The following PAPPA variants were observed in gnomAD, a reference collection of about 807,000 sequenced individuals.
PAPPA encodes pappalysin-1.
Under a neutral mutation model 164.0 loss-of-function variants are expected in PAPPA, and 60 were observed. That is an observed-to-expected ratio of 0.37 (90% CI 0.30 to 0.45). The LOEUF (loss-of-function observed/expected upper bound fraction) is 0.45. Among genes scored for constraint, PAPPA ranks in the 20% least tolerant of loss-of-function variants. The probability of loss-of-function intolerance (pLI) is 1.00; values close to 1 mark genes in which losing one functional copy is unlikely to be tolerated. For synonymous variants in PAPPA, 875 were observed against 814.1 expected (o/e 1.07, Z -1.27); for missense variants, 1,782 against 2,087.3 (o/e 0.85, Z 2.85).
chr9:116,231,663 ATGGATGGATGGATG>A, intron 6 of PAPPA, among the ~76,000 whole-genome samples: 9 of 154 alleles, frequency 0.058, no homozygotes, highest in East Asian at 0.44. Flanking sequence ...GAATGGGCGG[ATGGATGGATGGATG>A]GATGGATGGA....
rs935238247 is a variant in PAPPA, at chr9:116,201,583, G to A, written c.1479-5873G>A. 3.9e-5 allele frequency among the ~76,000 whole-genome samples: 6 copies of A among 152,276 alleles called. 1 individual carries two copies. The highest frequency in any genetic ancestry group is 2.1e-4 in the South Asian group (1 of 4,824). On this transcript the variant is annotated intron_variant, in intron 2 of 21. Transcript: ENST00000328252. ...AGCTTAAAACAGAATTCTGCATCTC[G>A]AGGGTTTTTCATGAGTTGGGTACTC...
chr9:116,185,108 A>T (rs1843954290), intron 1 of PAPPA, among the ~76,000 whole-genome samples: 1 of 152,184 alleles, frequency 6.6e-6, no homozygotes, highest in Non-Finnish European at 1.5e-5. Context: ...AGTCATTGGG[A>T]AATCTAGAAT....
chr9:116,293,704 CA>C (rs1386793730), intron 9 of PAPPA, among the ~76,000 whole-genome samples: 1 of 152,196 alleles, frequency 6.6e-6, no homozygotes, highest in Non-Finnish European at 1.5e-5. Flanking sequence ...CCTGTAATCC[CA>C]GCATTTTGGG....
At chr9:116,313,082 CA>C (rs59596284) in intron 10 of PAPPA, among the ~76,000 whole-genome samples, 4,990 of 68,450 alleles carry the variant, frequency 0.073, 90 homozygotes, top group Non-Finnish European at 0.1. Flanking sequence ...GACTCCATCT[CA>C]AAAAAAAAAA....
rs939356270 is a variant in PAPPA, at chr9:116,396,813, A to G, written c.*197A>G. 1 of 584,658 alleles carries G rather than the reference A, an allele frequency of 1.7e-6. No individual in the cohort carries two copies. The highest frequency in any genetic ancestry group is 1.9e-5 in the African/African-American group (1 of 53,576). The allele number at this position is 584,658 out of a possible 1,614,324, so 36.2% of individuals were successfully genotyped here. ...CCAAGTTTCGCCATGCTGGATGATGAAATGGATTCCCATCCCAAAGTCTGA... is the reference window on the plus strand; with the variant it reads ...CCAAGTTTCGCCATGCTGGATGATGGAATGGATTCCCATCCCAAAGTCTGA... On this transcript the variant is annotated 3_prime_UTR_variant, in exon 22 of 22. Transcript: ENST00000328252.
chr9:116,356,057 A>G (rs946777883), intron 17 of PAPPA, among the ~76,000 whole-genome samples: 2 of 152,170 alleles, frequency 1.3e-5, no homozygotes, highest in African/African-American at 4.8e-5. Context: ...CTTTCCAAAC[A>G]AGTTTCAGAT....
In PAPPA at chr9:116,154,178, G is replaced by A. The variant is rs745765077; in HGVS notation, c.6G>A (p.Arg2=). Reference sequence around the variant, plus strand: ...GGCGGGGGGAACCGTCGGACATGCGGCTCTGGAGTTGGGTGCTGCACCTGG... The same window carrying A: ...GGCGGGGGGAACCGTCGGACATGCGACTCTGGAGTTGGGTGCTGCACCTGG... M[R]LWSWVLHLGL... The change falls in exon 1 of 22, where the codon CGG becomes CGA. Residue 2 remains arginine, a synonymous_variant. Transcript: ENST00000328252. This position sits in a 1 kb window ranked among gnomAD's most constrained non-coding sequence, Gnocchi z 5.2. The A allele has an allele frequency of 2.0e-6, 3 of 1,486,146 alleles. No individual in the cohort carries two copies. The South Asian group carries it at 3.6e-5, about 18-fold the overall frequency. The allele number at this position is 1,486,146 out of a possible 1,614,324, so 92.1% of individuals were successfully genotyped here.
chr9:116,353,790 C>T lies in PAPPA; in HGVS notation c.4344C>T (p.Ser1448=), dbSNP rs1588017195. The T allele has an allele frequency of 1.2e-6, 2 of 1,610,756 alleles. No homozygotes were observed. The highest frequency in any genetic ancestry group is 2.2e-5 in the East Asian group (1 of 44,740). Residue 1448 remains serine, a synonymous_variant, in exon 17 of 22, where the codon TCC becomes TCT. Transcript: ENST00000328252. ...TCAAGTGTGAAGACAGTGATGCCTC[C>T]CAGGTAAGCCTCCTGGAACTTGAGA... The part of the protein sequence containing the change: ...CRIKCEDSDA[S]QGLGSNVIHC...
intron 3 of PAPPA, among the ~76,000 whole-genome samples, chr9:116,208,618 T>C (rs1450176995): frequency 6.6e-6 from 1 of 152,216 alleles, no homozygotes; most frequent in Non-Finnish European, 1.5e-5. Context: ...TATCTGAGAA[T>C]GTTCAGGCTC....
At chr9:116,343,841 A>G (rs1278820844) in intron 13 of PAPPA, among the ~76,000 whole-genome samples, 1 of 151,170 alleles carries the variant, frequency 6.6e-6, no homozygotes, top group African/African-American at 2.4e-5. Flanking sequence ...GCTCACTGCA[A>G]CCTCCACCTC....
intron 10 of PAPPA, among the ~76,000 whole-genome samples, chr9:116,311,817 A>G (rs1322892227): frequency 6.6e-6 from 1 of 152,216 alleles, no homozygotes; most frequent in East Asian, 1.9e-4. Flanking sequence ...TCCCTGAGCA[A>G]ATTGAATCTG....
intron 18 of PAPPA, among the ~76,000 whole-genome samples, chr9:116,366,683 C>T (rs1282788378): frequency 2.6e-5 from 4 of 152,150 alleles, no homozygotes; most frequent in Non-Finnish European, 5.9e-5. Context: ...GAATGGGGAG[C>T]ATGGGTAGTG....
chr9:116,193,287 A>G (rs1188474967), intron 2 of PAPPA, among the ~76,000 whole-genome samples: 2 of 152,096 alleles, frequency 1.3e-5, no homozygotes, highest in South Asian at 2.1e-4. Flanking sequence ...TGGCAGCTAT[A>G]GCCCCCGTTA....
intron 20 of PAPPA, 114 bp from the exon 21 acceptor site, chr9:116,382,281 A>T: frequency 1.4e-6 from 1 of 710,406 alleles, no homozygotes; most frequent in South Asian, 1.6e-5. Context: ...CTGGCCAGCT[A>T]ATCGTGGAAG....
In PAPPA at chr9:116,353,680, C is replaced by T. The variant is rs1846314017; in HGVS notation, c.4234C>T (p.Pro1412Ser). The T allele has an allele frequency of 6.2e-6, 10 of 1,613,924 alleles. No individual in the cohort carries two copies. Among genetic ancestry groups the T allele is most frequent in the African/African-American group, 1.3e-5 (1 of 74,890 alleles). ...DGSWQEGACV[P>S]VTCDPPPPKF... ...CAGCTGGCAGGAGGGAGCTTGTGTT[C>T]CTGTGACCTGTGACCCACCTCCACC... Residue 1412 changes from proline to serine, a missense_variant, in exon 17 of 22, where the codon CCT (proline) becomes TCT (serine). This residue lies in a region of PAPPA where 1,324 missense variants were observed against 1,656.9 expected (regional missense o/e 0.80). Transcript: ENST00000328252.
chr9:116,302,659 A>G (rs989904945), intron 9 of PAPPA, 98 bp from the exon 10 acceptor site: 44 of 912,344 alleles, frequency 4.8e-5, no homozygotes, highest in East Asian at 2.2e-4. Flanking sequence ...GACAGTACCA[A>G]TGGTTTTGGT....
At chr9:116,393,589 T>G (rs1321588022) in intron 21 of PAPPA, among the ~76,000 whole-genome samples, 2 of 152,202 alleles carry the variant, frequency 1.3e-5, no homozygotes, top group East Asian at 1.9e-4. Context: ...GTGATGGTGC[T>G]ATTAGGTTGG....
At position 116,401,535 on chromosome 9, in the gene PAPPA, T is replaced by C. The variant is rs1847055406; in HGVS notation, c.*4919T>C. ...TATCTATCTATATAAAGATATTATATATAAATATAAATTTACATATATATG... is the reference window on the plus strand; with the variant it reads ...TATCTATCTATATAAAGATATTATACATAAATATAAATTTACATATATATG... On this transcript the variant is annotated 3_prime_UTR_variant, in exon 22 of 22. Coordinates refer to ENST00000328252, the MANE Select transcript of PAPPA (RefSeq NM_002581.5). 6.6e-6 allele frequency: 1 copy of C among 150,808 alleles called. No homozygotes were observed. The highest frequency in any genetic ancestry group is 1.5e-5 in the Non-Finnish European group (1 of 67,696). The allele number at this position is 150,808 out of a possible 1,614,324, so 9.3% of individuals were successfully genotyped here. A position where few individuals can be genotyped will look rare whatever the true frequency, so the allele number is the denominator to read the frequency against.
At position 116,187,027 on chromosome 9, in the gene PAPPA, C is replaced by T. The variant is rs1303605635; in HGVS notation, c.416-127C>T. On this transcript the variant is annotated intron_variant, in intron 1 of 21. Transcript: ENST00000328252. This position sits in a 1 kb window ranked among gnomAD's most constrained non-coding sequence, Gnocchi z 4.2. Reference sequence around the variant, plus strand: ...GGCACCATTAGCAACTCCTAGGATCCCACAGAGCAGTTGGAAAGCGATGAG... The same window carrying T: ...GGCACCATTAGCAACTCCTAGGATCTCACAGAGCAGTTGGAAAGCGATGAG... 2 of 698,238 alleles carry T rather than the reference C, an allele frequency of 2.9e-6. No individual in the cohort carries two copies. The highest frequency in any genetic ancestry group is 3.6e-5 in the African/African-American group (2 of 55,744). The allele number at this position is 698,238 out of a possible 1,614,324, so 43.3% of individuals were successfully genotyped here.
Sources: allele counts gnomAD v4.1 joint callset (sites outside exome capture counted in the v4.1 genomes callset), GRCh38; gene constraint gnomAD v4.1.1; regional missense constraint gnomAD v4.1.1; non-coding constraint Gnocchi (gnomAD v3.1); transcripts MANE v1.5; gene names NCBI Gene and HGNC (gene_info 2026-07-23, HGNC 2026-07-21).